The following ESR2 variants were observed in gnomAD, a reference collection of about 807,000 sequenced individuals.
ESR2 encodes the protein estrogen receptor 2.
In ESR2, 36 loss-of-function variants were observed where a neutral mutation model predicts 49.6. That is an observed-to-expected ratio of 0.73 (90% confidence interval 0.56 to 0.96). The LOEUF (loss-of-function observed/expected upper bound fraction) is 0.96, where lower values mean the gene tolerates loss of function less well. ESR2 is among the 40% of genes least tolerant of loss of function. The probability of loss-of-function intolerance (pLI) is 0.00; values close to 1 mark genes in which losing one functional copy is unlikely to be tolerated. For synonymous variants in ESR2, 320 were observed against 266.1 expected, an observed-to-expected ratio of 1.20 and a Z score of -1.97; for missense variants, 714 against 693.0, an observed-to-expected ratio of 1.03 and a Z score of -0.34.
chr14:64,261,240 T>TTC (rs1567754754), intron 4 of ESR2, among the ~76,000 whole-genome samples: 3 of 54,328 alleles, frequency 5.5e-5, no homozygotes, highest in Non-Finnish European at 1.0e-4. Context: ...TTCTTTTTTC[T>TTC]TTTTTTTTTT....
Position 64,268,195 on chromosome 14 carries a change from T to C in ESR2, c.652+600A>G, listed in dbSNP as rs1263510573. Among the ~76,000 whole-genome samples, 3 of 152,354 alleles carry C rather than the reference T, an allele frequency of 2.0e-5. No individual in the cohort carries two copies. In the East Asian group the frequency reaches 5.8e-4, roughly 29 times the overall value. On this transcript the variant is annotated intron_variant, in intron 4 of 8. Coordinates refer to ENST00000341099, the MANE Select transcript of ESR2 (RefSeq NM_001437.3). ...AGTGTACAAAATACATGTGAATATA[T>C]GTATGTGAATATGTTAAATACACAT...
intron 3 of ESR2, among the ~76,000 whole-genome samples, chr14:64,275,702 C>CA (rs202016706): frequency 2.0e-4 from 29 of 145,036 alleles, no homozygotes; most frequent in Middle Eastern, 3.5e-3. Flanking sequence ...GACTCTGTCT[C>CA]AAAAAAAAAG....
At chr14:64,337,687 CAA>C (rs1008953268) in intron 1 of ESR2, among the ~76,000 whole-genome samples, 5 of 151,892 alleles carry the variant, frequency 3.3e-5, no homozygotes, top group Non-Finnish European at 5.9e-5. Flanking sequence ...GTTAATCAAA[CAA>C]AAAAGAGATT....
intron 1 of ESR2, among the ~76,000 whole-genome samples, chr14:64,308,086 C>T (rs891907571): frequency 1.3e-5 from 2 of 152,050 alleles, no homozygotes; most frequent in Non-Finnish European, 2.9e-5. Context: ...ATGAACATGC[C>T]TCAGTGCAGC....
intron 6 of ESR2, among the ~76,000 whole-genome samples, chr14:64,256,172 G>A (rs1464813061): frequency 2.6e-5 from 4 of 152,126 alleles, no homozygotes; most frequent in Non-Finnish European, 5.9e-5. Flanking sequence ...AGAAGATTTC[G>A]AACTGCTCGA....
chr14:64,248,406 G>A (rs2075911647), intron 7 of ESR2, among the ~76,000 whole-genome samples: 1 of 150,438 alleles, frequency 6.6e-6, no homozygotes, highest in Admixed American at 6.6e-5. Context: ...CTACTTGTGA[G>A]GCCAAGGTGG....
intron 3 of ESR2, among the ~76,000 whole-genome samples, chr14:64,276,392 A>C (rs2076558367): frequency 6.6e-6 from 1 of 152,348 alleles, no homozygotes; most frequent in Non-Finnish European, 1.5e-5. Context: ...AATAAAGAGA[A>C]GCAAATTGAA....
chr14:64,263,655 T>G (rs1000422955), intron 4 of ESR2, among the ~76,000 whole-genome samples: 1 of 150,298 alleles, frequency 6.7e-6, no homozygotes, highest in African/African-American at 2.4e-5. Flanking sequence ...GTTGAAAAAA[T>G]AAATAAATAA....
intron 4 of ESR2, among the ~76,000 whole-genome samples, chr14:64,266,671 T>C (rs567811003): frequency 6.6e-6 from 1 of 152,314 alleles, no homozygotes; most frequent in East Asian, 1.9e-4. Context: ...CAAAGTCACT[T>C]TTCTGCATAA....
intron 6 of ESR2, among the ~76,000 whole-genome samples, chr14:64,254,599 A>T (rs1459654758): frequency 6.6e-6 from 1 of 151,454 alleles, no homozygotes; most frequent in Non-Finnish European, 1.5e-5. Flanking sequence ...AAAAAAAAAA[A>T]ATACAAAAAT....
chr14:64,230,404 C>T lies in ESR2; in HGVS notation c.*2733G>A, dbSNP rs1373434931. Among the ~76,000 whole-genome samples the T allele has an allele frequency of 6.6e-6, 1 of 152,052 alleles. No homozygotes were observed. The highest frequency in any genetic ancestry group is 6.5e-5 in the Admixed American group (1 of 15,268). ...AAATATATATGGATATATAATATGGCTCTGCCAAGTATTGGTAACTGATTT... is the reference window on the plus strand; with the variant it reads ...AAATATATATGGATATATAATATGGTTCTGCCAAGTATTGGTAACTGATTT... On this transcript the variant is annotated 3_prime_UTR_variant, in exon 9 of 9. Coordinates refer to ENST00000341099, the MANE Select transcript of ESR2 (RefSeq NM_001437.3).
At chr14:64,310,171 G>T (rs1352345626) in intron 1 of ESR2, among the ~76,000 whole-genome samples, 1 of 151,840 alleles carries the variant, frequency 6.6e-6, no homozygotes, top group Non-Finnish European at 1.5e-5. Flanking sequence ...TACTCGGAAG[G>T]CTGAGGCAGG....
At chr14:64,259,862 G>C (rs932820796) in intron 5 of ESR2, among the ~76,000 whole-genome samples, 6 of 152,214 alleles carry the variant, frequency 3.9e-5, no homozygotes, top group African/African-American at 1.4e-4. Flanking sequence ...TTTCAAACTA[G>C]TCATACTGTA....
upstream of ESR2, among the ~76,000 whole-genome samples, chr14:64,296,083 G>A (rs114884025): frequency 5.9e-3 from 890 of 151,192 alleles, 12 homozygotes; most frequent in African/African-American, 0.021. Flanking sequence ...TCATTTGGTG[G>A]TATATACTTG....
Position 64,319,207 on chromosome 14 carries a change from A to C in ESR2, c.-91+18691T>G, listed in dbSNP as rs565336117. 6.1e-4 allele frequency among the ~76,000 whole-genome samples: 93 copies of C among 152,356 alleles called. 1 individual carries two copies. Among genetic ancestry groups the C allele is most frequent in the Admixed American group, 1.5e-3 (23 of 15,302 alleles). On this transcript the variant is annotated intron_variant, in intron 1 of 8. Transcript: ENST00000358599. ...ACATGGTACTAGAACAACTACATAC[A>C]ACTACATATCCACATTAACAAAAAA...
In ESR2 at chr14:64,260,742, C is replaced by T. The variant is rs1190163038; in HGVS notation, c.659G>A (p.Arg220Gln). 2 of 1,480,898 alleles carry T rather than the reference C, an allele frequency of 1.4e-6. No homozygotes were observed. The highest frequency in any genetic ancestry group is 1.4e-5 in the South Asian group (1 of 70,208). The allele number at this position is 1,480,898 out of a possible 1,614,324, so 91.7% of individuals were successfully genotyped here. ...AAGGCGGTACCCACATCTCTCTCTC[C>T]GGGAGCCTGAAGAGGAAAGCAGAGT... ...YEVGMVKCGS[R>Q]RERCGYRLVR... is the part of the protein sequence containing the mutation. The change falls in exon 5 of 9, where the codon CGG (arginine) becomes CAG (glutamine). Residue 220 changes from arginine (R) to glutamine (Q), a missense_variant. Coordinates refer to ENST00000341099, the MANE Select transcript of ESR2 (RefSeq NM_001437.3).
Position 64,231,697 on chromosome 14 carries a change from T to C in ESR2, c.*1440A>G, listed in dbSNP as rs1260114789. On this transcript the variant is annotated 3_prime_UTR_variant, in exon 9 of 9. Transcript: ENST00000341099. ...CATATTTTCAAAAAGAAAATATATTTAATATCATATCACAAGGTAATTGTT... is the reference window on the plus strand; with the variant it reads ...CATATTTTCAAAAAGAAAATATATTCAATATCATATCACAAGGTAATTGTT... The C allele has an allele frequency of 1.3e-5, 2 of 152,244 alleles. No homozygotes were observed. Among genetic ancestry groups the C allele is most frequent in the African/African-American group, 4.8e-5 (2 of 41,470 alleles). The allele number at this position is 152,244 out of a possible 1,614,324, so 9.4% of individuals were successfully genotyped here. A position where few individuals can be genotyped will look rare whatever the true frequency, so the allele number is the denominator to read the frequency against.
At chr14:64,328,862 T>G (rs1344298910) in intron 1 of ESR2, among the ~76,000 whole-genome samples, 1 of 152,216 alleles carries the variant, frequency 6.6e-6, no homozygotes, top group Non-Finnish European at 1.5e-5. Flanking sequence ...ACAGTCTGAC[T>G]CTAAAGACTC....
chr14:64,315,243 CAAAAAAA>C (rs201805001), intron 1 of ESR2, among the ~76,000 whole-genome samples: 1 of 46,800 alleles, frequency 2.1e-5, no homozygotes, highest in Non-Finnish European at 4.4e-5. Context: ...GAGTCTGTCT[CAAAAAAA>C]AAAAAAAAAA....
Sources: allele counts gnomAD v4.1 joint callset (sites outside exome capture counted in the v4.1 genomes callset), GRCh38; gene constraint gnomAD v4.1.1; transcripts MANE v1.5; gene names NCBI Gene and HGNC (gene_info 2026-07-23, HGNC 2026-07-21).